TUT4: variants seen among roughly 807,000 people sequenced by gnomAD.
TUT4 encodes the protein terminal uridylyl transferase 4.
TUT4 carries 36 observed loss-of-function variants against 192.2 expected under a neutral mutation model. That is an observed-to-expected ratio of 0.19 (90% confidence interval 0.14 to 0.25). TUT4 has a LOEUF of 0.25. Ranked by LOEUF, TUT4 falls within the 10% of genes least tolerant of loss-of-function variation. The pLI is 1.00. For missense variants in TUT4, 1,493 were observed against 1,957.2 expected (o/e 0.76, Z 4.47); for synonymous variants, 618 against 666.0 (o/e 0.93, Z 1.11).
chr1:52,487,975 GA>G (rs1407991401), intron 9 of TUT4, among the ~76,000 whole-genome samples: 2 of 152,076 alleles, frequency 1.3e-5, no homozygotes, highest in African/African-American at 2.4e-5. Context: ...GCATAAACCT[GA>G]AAAAAGTAAG....
intron 13 of TUT4, 77 bp downstream of exon 13, chr1:52,474,755 C>T: frequency 6.4e-6 from 8 of 1,246,682 alleles, no homozygotes; most frequent in South Asian, 3.1e-5. Flanking sequence ...GCTATTTTTA[C>T]ATTTCTAATC....
At chr1:52,435,163 G>T in intron 27 of TUT4, 1 of 369,848 alleles carries the variant, frequency 2.7e-6, no homozygotes, top group Non-Finnish European at 4.8e-6. Flanking sequence ...AAATTAAGTA[G>T]CTTCTCTGTA....
At chr1:52,491,448 G>A (rs901270723) in intron 7 of TUT4, among the ~76,000 whole-genome samples, 1 of 152,192 alleles carries the variant, frequency 6.6e-6, no homozygotes, top group Non-Finnish European at 1.5e-5. Flanking sequence ...CCAGCACTTT[G>A]GGAGGCCGAG....
At chr1:52,459,864 A>G (rs146981709) in intron 19 of TUT4, among the ~76,000 whole-genome samples, 1,862 of 152,226 alleles carry the variant, frequency 0.012, 34 homozygotes, top group African/African-American at 0.043. Flanking sequence ...CCTGGGTGAC[A>G]GAGAAAGACG....
intron 13 of TUT4, among the ~76,000 whole-genome samples, chr1:52,473,627 G>A (rs1381266864): frequency 1.3e-5 from 2 of 151,852 alleles, no homozygotes; most frequent in Non-Finnish European, 2.9e-5. Context: ...TTAATAATTA[G>A]GTTAAACATC....
At chr1:52,466,680 A>ATTT (rs1436025380) in intron 15 of TUT4, among the ~76,000 whole-genome samples, 2 of 131,158 alleles carry the variant, frequency 1.5e-5, no homozygotes, top group African/African-American at 6.4e-5. Flanking sequence ...ATATATATAT[A>ATTT]TATTTTTGAG....
Position 52,436,749 on chromosome 1 carries a change from A to C in TUT4, c.4162+6T>G, listed in dbSNP as rs752326298. ...CCAGAAACTATGTTTGGCCTTTTCTATTTACCTGCCACACTGCTATTCCTC... is the reference window on the plus strand; with the variant it reads ...CCAGAAACTATGTTTGGCCTTTTCTCTTTACCTGCCACACTGCTATTCCTC... On this transcript the variant is annotated splice_donor_region_variant and intron_variant, in intron 26 of 29. Transcript: ENST00000257177. 1 of 1,612,624 alleles carries C rather than the reference A, an allele frequency of 6.2e-7. No individual in the cohort carries two copies. The highest frequency in any genetic ancestry group is 1.1e-5 in the South Asian group (1 of 91,018).
chr1:52,549,187 T>C (rs529051643), intron 1 of TUT4, among the ~76,000 whole-genome samples: 1 of 152,006 alleles, frequency 6.6e-6, no homozygotes, highest in East Asian at 1.9e-4. Flanking sequence ...AAACTAGGAG[T>C]CAGAAAACAT....
chr1:52,426,517 A>T (rs1650002192), intron 28 of TUT4, among the ~76,000 whole-genome samples: 1 of 152,194 alleles, frequency 6.6e-6, no homozygotes, highest in Non-Finnish European at 1.5e-5. Flanking sequence ...TAAACTTCTC[A>T]GCAGGAACTC....
intron 2 of TUT4, among the ~76,000 whole-genome samples, chr1:52,523,848 C>T (rs1388756777): frequency 2.6e-5 from 4 of 152,084 alleles, no homozygotes; most frequent in African/African-American, 9.7e-5. Flanking sequence ...CTGTGTACCA[C>T]AAGAAATAAA....
In TUT4 at chr1:52,495,471, G is replaced by C; in HGVS notation, c.1222C>G (p.Leu408Val). 1 of 1,611,080 alleles carries C rather than the reference G, an allele frequency of 6.2e-7. No homozygotes were observed. Among genetic ancestry groups the C allele is most frequent in the Non-Finnish European group, 8.5e-7 (1 of 1,178,328 alleles). ...LYGSSLTRFALKSSDVNIDIK... is the reference protein window; with the variant it reads ...LYGSSLTRFAVKSSDVNIDIK... ...TCTATATTAACATCACTACTTTTCA[G>C]AGCAAATCTAGTCAGAGATGAGCCA... Residue 408 changes from leucine (L) to valine (V), a missense_variant, in exon 6 of 30, where the codon CTG becomes GTG. Physicochemically the swap from Leu to Val is conservative, Grantham distance 32 (BLOSUM62 1). Coordinates refer to ENST00000257177, the MANE Select transcript of TUT4 (RefSeq NM_001009881.3).
In TUT4 at chr1:52,435,425, C is replaced by T. The variant is rs2148237035; in HGVS notation, c.4203G>A (p.Val1401=). ...LVRNLVNAQQ[V]AGSAQQQGDQ... The stretch of plus-strand genomic sequence containing the variant: ...CACCCTGTTGCTGAGCTGAACCAGC[C>T]ACCTGTTGAGCATTTACAAGGTTGC... The change falls in exon 27 of 30, where the codon GTG becomes GTA. Residue 1401 remains valine, a synonymous_variant. Transcript: ENST00000257177. 1 of 1,614,128 alleles carries T rather than the reference C, an allele frequency of 6.2e-7. No individual in the cohort carries two copies. The highest frequency in any genetic ancestry group is 8.5e-7 in the Non-Finnish European group (1 of 1,180,006).
intron 12 of TUT4, among the ~76,000 whole-genome samples, chr1:52,476,314 T>TA (rs1667067121): frequency 6.6e-6 from 1 of 152,032 alleles, no homozygotes; most frequent in Non-Finnish European, 1.5e-5. Context: ...GCAAGAAACC[T>TA]AAAAAAGTAA....
At chr1:52,485,468 T>A (rs1669551773) in intron 9 of TUT4, among the ~76,000 whole-genome samples, 1 of 152,196 alleles carries the variant, frequency 6.6e-6, no homozygotes, top group Non-Finnish European at 1.5e-5. Context: ...TCTTATTGCA[T>A]TTCCTAAAAT....
At chr1:52,463,911 A>T in intron 16 of TUT4, 1 of 539,302 alleles carries the variant, frequency 1.9e-6, no homozygotes, top group Non-Finnish European at 2.9e-6. Context: ...TAGGTTCTAC[A>T]GTACTATTAG....
At chr1:52,478,602 G>A (rs1430570885) in intron 11 of TUT4, among the ~76,000 whole-genome samples, 1 of 152,140 alleles carries the variant, frequency 6.6e-6, no homozygotes, top group East Asian at 1.9e-4. Flanking sequence ...ATACTATACT[G>A]CCACCTAAAT....
In TUT4 at chr1:52,436,840, T is replaced by C. The variant is rs1289667204; in HGVS notation, c.4077A>G (p.Arg1359=). The C allele has an allele frequency of 5.0e-6, 8 of 1,613,822 alleles. No homozygotes were observed. In the East Asian group the frequency reaches 1.8e-4, roughly 36 times the overall value. The change falls in exon 26 of 30, where the codon AGA becomes AGG. Residue 1359 remains arginine, a synonymous_variant. Coordinates refer to ENST00000257177, the MANE Select transcript of TUT4 (RefSeq NM_001009881.3). ...TRDFRDPRDL[R]CFICGDAGHV... is the part of the protein sequence containing the mutation. ...GTCCAGCATCTCCACATATAAAACA[T>C]CTGAGGTCTCTCGGGTCTCTAAAGT...
At chr1:52,468,033 G>A in intron 15 of TUT4, 148 bp downstream of exon 15, 2 of 562,584 alleles carry the variant, frequency 3.6e-6, no homozygotes, top group South Asian at 2.4e-5. Flanking sequence ...TAAGCTTCAT[G>A]AGGTTTCATC....
chr1:52,537,313 A>T (rs997965453), intron 1 of TUT4, among the ~76,000 whole-genome samples: 1 of 151,048 alleles, frequency 6.6e-6, no homozygotes. Context: ...TGCAAAGAGT[A>T]ACAAAGAGAG....
Sources: gnomAD v4.1 joint callset for allele counts (sites outside exome capture counted in the v4.1 genomes callset) on GRCh38, gnomAD v4.1.1 for gene constraint, MANE v1.5 for transcripts, NCBI Gene and HGNC (gene_info 2026-07-23, HGNC 2026-07-21) for gene names.